The following COBL variants were observed in gnomAD, a reference collection of about 807,000 sequenced individuals.
The protein encoded by COBL is cordon-bleu WH2 repeat protein.
In COBL, 51 loss-of-function variants were observed where a neutral mutation model predicts 98.8. The ratio of observed to expected loss-of-function variants is 0.52; its 90% CI spans 0.41 to 0.65. The LOEUF (loss-of-function observed/expected upper bound fraction) is 0.65, where lower values mean the gene tolerates loss of function less well. Among genes scored for constraint, COBL ranks in the 30% least tolerant of loss-of-function variants. The pLI is 0.00. For synonymous variants in COBL, 634 were observed against 651.7 expected (o/e 0.97, Z 0.41); for missense variants, 1,617 against 1,617.5 (o/e 1.00, Z 0.01).
At chr7:51,290,541 C>T (rs1800800011) in intron 1 of COBL, among the ~76,000 whole-genome samples, 1 of 152,116 alleles carries the variant, frequency 6.6e-6, no homozygotes, top group South Asian at 2.1e-4. Context: ...ACACAGATAT[C>T]AGAACAAAGG....
intron 1 of COBL, among the ~76,000 whole-genome samples, chr7:51,275,184 G>A (rs1332215984): frequency 6.6e-6 from 1 of 152,118 alleles, no homozygotes; most frequent in Non-Finnish European, 1.5e-5. Flanking sequence ...ACCCCTGCGG[G>A]CTGGAGGGGA....
intron 2 of COBL, among the ~76,000 whole-genome samples, chr7:51,203,205 T>TAA (rs201558011): frequency 3.8e-4 from 54 of 143,170 alleles, no homozygotes; most frequent in African/African-American, 1.2e-3. Flanking sequence ...ACAGAAAAAT[T>TAA]AAAAAAAAAA....
At chr7:51,084,858 C>G (rs964865822) in intron 7 of COBL, among the ~76,000 whole-genome samples, 1 of 152,126 alleles carries the variant, frequency 6.6e-6, no homozygotes, top group Non-Finnish European at 1.5e-5. Flanking sequence ...CTTTTGCCAT[C>G]AGAGACACAC....
In COBL at chr7:51,289,122, G is replaced by A. The variant is rs115837579; in HGVS notation, c.41+27471C>T. 2.9e-3 allele frequency among the ~76,000 whole-genome samples: 435 copies of A among 152,304 alleles called. 8 individuals are homozygous for A. The highest frequency in any genetic ancestry group is 9.9e-3 in the African/African-American group (412 of 41,572). ...CGCACTGGTGCTCAGGGTCCAGTGA[G>A]GAATGGACAGCAACTGATTGTTTCA... On this transcript the variant is annotated intron_variant, in intron 1 of 12. Transcript: ENST00000265136.
At chr7:51,030,762 C>T in intron 9 of COBL, 50 bp downstream of exon 9, 10 of 1,200,482 alleles carry the variant, frequency 8.3e-6, no homozygotes, top group African/African-American at 1.5e-5. Context: ...ACTGTTGGCA[C>T]CTACTTTCAT....
chr7:51,116,935 T>C (rs1334662816), intron 6 of COBL, among the ~76,000 whole-genome samples: 1 of 152,052 alleles, frequency 6.6e-6, no homozygotes, highest in Non-Finnish European at 1.5e-5. Flanking sequence ...TTCTTTTATA[T>C]ATATATTTTT....
chr7:51,081,795 C>T (rs977445126), intron 7 of COBL, among the ~76,000 whole-genome samples: 2 of 152,068 alleles, frequency 1.3e-5, no homozygotes, highest in South Asian at 2.1e-4. Context: ...GTGAGCACAG[C>T]GGCCACAGGA....
chr7:51,133,112 G>T (rs1798903675), intron 6 of COBL, among the ~76,000 whole-genome samples: 1 of 152,116 alleles, frequency 6.6e-6, no homozygotes, highest in Non-Finnish European at 1.5e-5. Flanking sequence ...AGGACAAAGG[G>T]AGAGTTCACC....
chr7:51,079,558 G>A (rs1490337685), intron 7 of COBL, among the ~76,000 whole-genome samples: 1 of 152,238 alleles, frequency 6.6e-6, no homozygotes, highest in Non-Finnish European at 1.5e-5. Context: ...CATAACAGGT[G>A]TGTGTAATAT....
intron 5 of COBL, among the ~76,000 whole-genome samples, chr7:51,158,387 GAGC>G (rs1195537327): frequency 6.6e-6 from 1 of 152,184 alleles, no homozygotes; most frequent in Admixed American, 6.5e-5. Context: ...GGTCGGGGAG[GAGC>G]CTCCTCACTC....
At chr7:51,294,095 A>T (rs1373414773) in intron 1 of COBL, among the ~76,000 whole-genome samples, 1 of 152,156 alleles carries the variant, frequency 6.6e-6, no homozygotes, top group Non-Finnish European at 1.5e-5. Context: ...ATTCGAGACC[A>T]GCCTGGCCAA....
chr7:51,313,049 A>C (rs1247759287), intron 1 of COBL, among the ~76,000 whole-genome samples: 1 of 152,218 alleles, frequency 6.6e-6, no homozygotes, highest in Non-Finnish European at 1.5e-5. Flanking sequence ...TACTTTCTTA[A>C]ATGAATTGCC....
At chr7:51,126,981 C>T (rs1798273927) in intron 6 of COBL, among the ~76,000 whole-genome samples, 1 of 152,096 alleles carries the variant, frequency 6.6e-6, no homozygotes, top group Non-Finnish European at 1.5e-5. Context: ...ACTGAGGGTC[C>T]ACCACACACC....
intron 6 of COBL, among the ~76,000 whole-genome samples, chr7:51,091,601 T>G (rs140385260): frequency 6.6e-6 from 1 of 151,470 alleles, no homozygotes; most frequent in Non-Finnish European, 1.5e-5. Flanking sequence ...GGGCAGAGAG[T>G]TGATCTGGAG....
chr7:51,209,287 C>G (rs986002350), intron 2 of COBL, among the ~76,000 whole-genome samples: 2 of 152,118 alleles, frequency 1.3e-5, no homozygotes, highest in Non-Finnish European at 2.9e-5. Context: ...TCAAAGCTAT[C>G]TCCATGACAA....
chr7:51,027,047 C>T (rs1271552417), intron 10 of COBL, among the ~76,000 whole-genome samples: 1 of 152,220 alleles, frequency 6.6e-6, no homozygotes, highest in Non-Finnish European at 1.5e-5. Flanking sequence ...CTATTCATCC[C>T]AGTGTTCCAG....
intron 2 of COBL, among the ~76,000 whole-genome samples, chr7:51,217,016 C>G (rs1793112289): frequency 6.6e-6 from 1 of 152,224 alleles, no homozygotes; most frequent in Non-Finnish European, 1.5e-5. Context: ...CAAAGACCCA[C>G]TGGAGGCAGC....
At chr7:51,293,680 A>C (rs1039456412) in intron 1 of COBL, among the ~76,000 whole-genome samples, 1 of 152,226 alleles carries the variant, frequency 6.6e-6, no homozygotes, top group African/African-American at 2.4e-5. Context: ...TTTATTGTAC[A>C]TAAATATCCC....
chr7:51,050,292 C>T (rs1029445242), intron 7 of COBL, among the ~76,000 whole-genome samples: 1 of 152,176 alleles, frequency 6.6e-6, no homozygotes, highest in African/African-American at 2.4e-5. Context: ...AACTCTAGTC[C>T]TAGAATCTTA....
Sources: gnomAD v4.1 joint callset for allele counts (sites outside exome capture counted in the v4.1 genomes callset) on GRCh38, gnomAD v4.1.1 for gene constraint, MANE v1.5 for transcripts, NCBI Gene and HGNC (gene_info 2026-07-23, HGNC 2026-07-21) for gene names.